The following TMEM181 variants were observed in gnomAD, a reference collection of about 807,000 sequenced individuals.
TMEM181 encodes the protein transmembrane protein 181, also known as G protein-coupled receptor 178.
In TMEM181, 39 loss-of-function variants were observed where a neutral mutation model predicts 71.9. That is an observed-to-expected ratio of 0.54 (90% CI 0.42 to 0.71). TMEM181 has a LOEUF of 0.71. Among genes scored for constraint, TMEM181 ranks in the 30% least tolerant of loss-of-function variants. The pLI is 0.00. For synonymous variants in TMEM181, 245 were observed against 228.8 expected, an observed-to-expected ratio of 1.07 and a Z score of -0.64; for missense variants, 595 against 583.0, an observed-to-expected ratio of 1.02 and a Z score of -0.21.
exon 1 of TMEM181, chr6:158,536,848 G>A: frequency 1.3e-6 from 2 of 1,492,740 alleles, no homozygotes; most frequent in Non-Finnish European, 1.8e-6. Flanking sequence ...CGCCCTTCAA[G>A]GATGACCGCT....
Position 158,593,044 on chromosome 6 carries a change from T to C in TMEM181, c.492+3262T>C. Among the ~76,000 whole-genome samples, 2 of 152,232 alleles carry C rather than the reference T, an allele frequency of 1.3e-5. 1 individual carries two copies. ...AACTGATTTAACTTTTGGGGTAATT[T>C]AGCAATGTATAAAAGCCTCTACTTC... is the stretch of plus-strand genomic sequence containing the variant. On this transcript the variant is annotated intron_variant, in intron 6 of 16. Transcript: ENST00000684151.
chr6:158,536,893 C>T (rs1781129642), intron 1 of TMEM181: 5 of 1,319,538 alleles, frequency 3.8e-6, no homozygotes, highest in Middle Eastern at 2.6e-4. Context: ...AGCGGCGGGG[C>T]GGCCGGAGGC....
chr6:158,544,218 T>TGTGTGTGTGTGG (rs1554300407), intron 1 of TMEM181, among the ~76,000 whole-genome samples: 1 of 144,166 alleles, frequency 6.9e-6, no homozygotes, highest in Non-Finnish European at 1.5e-5. Context: ...TGTGTGTGTG[T>TGTGTGTGTGTGG]TGGGGTGAGG....
chr6:158,610,858 T>TA (rs1785262248), intron 10 of TMEM181: 1 of 340,390 alleles, frequency 2.9e-6, no homozygotes, highest in Admixed American at 3.4e-5. Flanking sequence ...AGGACTACTG[T>TA]AAAAATGAGG....
At chr6:158,536,864 A>G in exon 1 of TMEM181, 1 of 1,374,390 alleles carries the variant, frequency 7.3e-7, no homozygotes, top group Non-Finnish European at 9.5e-7. Flanking sequence ...CCGCTACTAC[A>G]GGTGGGCGCG....
intron 1 of TMEM181, among the ~76,000 whole-genome samples, chr6:158,560,965 G>C (rs1782136447): frequency 6.6e-6 from 1 of 152,152 alleles, no homozygotes; most frequent in Non-Finnish European, 1.5e-5. Flanking sequence ...GAAGGAGACG[G>C]AGTTAACCAG....
intron 1 of TMEM181, among the ~76,000 whole-genome samples, chr6:158,553,630 T>G (rs1481032443): frequency 1.3e-5 from 2 of 152,252 alleles, no homozygotes; most frequent in Non-Finnish European, 2.9e-5. Context: ...AAACATCTAA[T>G]GAAGACCAAT....
At chr6:158,537,114 G>C (rs944320299) in intron 1 of TMEM181, among the ~76,000 whole-genome samples, 1 of 151,984 alleles carries the variant, frequency 6.6e-6, no homozygotes, top group African/African-American at 2.4e-5. Context: ...GCCCCCGGGC[G>C]AAGGGCCGAT....
At chr6:158,540,255 A>G (rs1197865240) in intron 1 of TMEM181, among the ~76,000 whole-genome samples, 1 of 152,214 alleles carries the variant, frequency 6.6e-6, no homozygotes, top group Non-Finnish European at 1.5e-5. Flanking sequence ...TGGAATGTTC[A>G]CGCACTGCGG....
intron 11 of TMEM181, among the ~76,000 whole-genome samples, chr6:158,624,041 C>T (rs1425939397): frequency 2.6e-5 from 4 of 152,182 alleles, no homozygotes; most frequent in African/African-American, 7.2e-5. Context: ...GGATTACAGG[C>T]GTGAGCCACT....
At chr6:158,604,976 T>C (rs6934456) in intron 6 of TMEM181, among the ~76,000 whole-genome samples, 86,253 of 151,746 alleles carry the variant, frequency 0.57, 24,741 homozygotes, top group East Asian at 0.61. Flanking sequence ...TTAACCTGCA[T>C]GGTGGCAGGC....
intron 1 of TMEM181, among the ~76,000 whole-genome samples, chr6:158,550,632 G>A (rs978449431): frequency 5.3e-5 from 8 of 151,794 alleles, no homozygotes; most frequent in Admixed American, 1.3e-4. Flanking sequence ...CTCTAGCCTC[G>A]TGATAGAGTG....
At chr6:158,613,078 G>A (rs1251579713) in intron 10 of TMEM181, among the ~76,000 whole-genome samples, 2 of 152,088 alleles carry the variant, frequency 1.3e-5, no homozygotes, top group African/African-American at 4.8e-5. Flanking sequence ...TATTTAGGAC[G>A]TTCCTCTGGG....
rs571602683 is a variant in TMEM181 at position 158,610,269 on chromosome 6, A to T, written c.896+1519A>T. On this transcript the variant is annotated intron_variant, in intron 10 of 16. Coordinates refer to ENST00000684151, the MANE Select transcript of TMEM181 (RefSeq NM_001376852.1). ...GTAAAAGATTTCTTTCCTGACTCTT[A>T]TTGTAGTAACATGGAAAATGAGGGT... The T allele has an allele frequency of 1.7e-3, 484 of 277,274 alleles. 1 individual carries two copies. Among genetic ancestry groups the T allele is most frequent in the Non-Finnish European group, 2.8e-3 (370 of 133,632 alleles). 17.2% of individuals were successfully genotyped at this position (277,274 alleles called of 1,614,324 possible).
At chr6:158,563,363 C>T (rs1236652895) in intron 1 of TMEM181, among the ~76,000 whole-genome samples, 5 of 152,116 alleles carry the variant, frequency 3.3e-5, no homozygotes, top group Admixed American at 2.6e-4. Context: ...AGGCTGGTCT[C>T]GAACTCCTGA....
chr6:158,585,187 G>C, intron 4 of TMEM181, 117 bp from the exon 5 acceptor site: 1 of 1,113,726 alleles, frequency 9.0e-7, no homozygotes, highest in Non-Finnish European at 1.2e-6. Flanking sequence ...AGGCCAATGT[G>C]GCCTAAGGAC....
intron 1 of TMEM181, among the ~76,000 whole-genome samples, chr6:158,544,437 G>GGC: frequency 1.3e-5 from 2 of 152,218 alleles, no homozygotes; most frequent in East Asian, 3.9e-4. Flanking sequence ...GGTGAGGCAG[G>GGC]GTTGGAGACT....
chr6:158,629,145 T>C (rs1250233291), intron 14 of TMEM181, among the ~76,000 whole-genome samples: 2 of 152,166 alleles, frequency 1.3e-5, no homozygotes, highest in South Asian at 2.1e-4. Context: ...TTCCACTCTT[T>C]GTTGGGGACA....
intron 15 of TMEM181, 58 bp from the exon 16 acceptor site, chr6:158,631,265 C>G: frequency 7.1e-6 from 11 of 1,559,502 alleles, no homozygotes; most frequent in Non-Finnish European, 7.1e-6. Flanking sequence ...CAGCATCCTG[C>G]CTGTCCAGGC....
Sources: gnomAD v4.1 joint callset for allele counts (sites outside exome capture counted in the v4.1 genomes callset) on GRCh38, gnomAD v4.1.1 for gene constraint, MANE v1.5 for transcripts, NCBI Gene and HGNC (gene_info 2026-07-23, HGNC 2026-07-21) for gene names.